The following NYAP2 variants were observed in gnomAD, a reference collection of about 807,000 sequenced individuals.
NYAP2 encodes neuronal tyrosine-phosphorylated phosphoinositide-3-kinase adapter 2.
Under a neutral mutation model 50.4 loss-of-function variants are expected in NYAP2, and 23 were observed. That is an observed-to-expected ratio of 0.46 (90% CI 0.33 to 0.65). The LOEUF (loss-of-function observed/expected upper bound fraction) is 0.65, where lower values mean the gene tolerates loss of function less well. NYAP2 is among the 30% of genes least tolerant of loss of function. The pLI is 0.02. For synonymous variants in NYAP2, 394 were observed against 365.2 expected (o/e 1.08, Z -0.90); for missense variants, 885 against 861.0 (o/e 1.03, Z -0.35).
intron 5 of NYAP2, among the ~76,000 whole-genome samples, chr2:225,597,706 C>A (rs138400553): frequency 2.1e-3 from 321 of 150,402 alleles, no homozygotes; most frequent in Non-Finnish European, 3.6e-3. Context: ...AAATAACAGC[C>A]GTTCTTTTAG....
At position 225,601,198 on chromosome 2, in the gene NYAP2, G is replaced by T. The variant is rs144883419; in HGVS notation, c.1618+18163G>T. On this transcript the variant is annotated intron_variant, in intron 5 of 6. Transcript: ENST00000636099. Reference sequence around the variant, plus strand: ...AGCAGTGACGCGATCTTGGCTCACTGCAACCTCTACCTCCTGGGTTCAAGT... The same window carrying T: ...AGCAGTGACGCGATCTTGGCTCACTTCAACCTCTACCTCCTGGGTTCAAGT... 5.5e-3 allele frequency among the ~76,000 whole-genome samples: 827 copies of T among 149,444 alleles called. 9 individuals carry two copies. Among genetic ancestry groups the T allele is most frequent in the African/African-American group, 0.019 (750 of 40,506 alleles).
chr2:225,506,922 T>G (rs1010352796), intron 3 of NYAP2, among the ~76,000 whole-genome samples: 3 of 151,996 alleles, frequency 2.0e-5, no homozygotes, highest in Non-Finnish European at 2.9e-5. Context: ...TTTTGAAAAT[T>G]TAACACAAAA....
chr2:225,461,266 C>G (rs10498078), intron 3 of NYAP2, among the ~76,000 whole-genome samples: 5,092 of 152,252 alleles, frequency 0.033, 265 homozygotes, highest in African/African-American at 0.11. Flanking sequence ...GGAAACATAT[C>G]AAGGCTTTTT....
chr2:225,419,986 G>A (rs1381540119), intron 3 of NYAP2, among the ~76,000 whole-genome samples: 1 of 152,178 alleles, frequency 6.6e-6, no homozygotes, highest in Non-Finnish European at 1.5e-5. Context: ...AAAATTACAT[G>A]AGGATAATTT....
chr2:225,627,433 A>C (rs964875100), intron 6 of NYAP2, among the ~76,000 whole-genome samples: 7 of 152,226 alleles, frequency 4.6e-5, no homozygotes, highest in Non-Finnish European at 7.3e-5. Flanking sequence ...GCCTCATCTA[A>C]AGCAGTTTTA....
chr2:225,570,158 C>G (rs1692040970), intron 4 of NYAP2, among the ~76,000 whole-genome samples: 1 of 152,158 alleles, frequency 6.6e-6, no homozygotes, highest in Non-Finnish European at 1.5e-5. Flanking sequence ...ACACTGTGAA[C>G]AGAGGGCTGT....
intron 4 of NYAP2, among the ~76,000 whole-genome samples, chr2:225,565,747 G>T (rs1691949959): frequency 1.3e-5 from 2 of 152,092 alleles, no homozygotes; most frequent in African/African-American, 4.8e-5. Context: ...ATGCATATAT[G>T]AATAAGCATC....
the NYAP2 span, among the ~76,000 whole-genome samples, chr2:225,679,493 G>T: frequency 3.2e-3 from 329 of 103,654 alleles, no homozygotes; most frequent in African/African-American, 4.9e-3. Context: ...GCTTCTAATT[G>T]TTTTTTTTTT....
the NYAP2 span, among the ~76,000 whole-genome samples, chr2:225,676,518 G>C: frequency 6.6e-6 from 1 of 152,032 alleles, no homozygotes; most frequent in Non-Finnish European, 1.5e-5. Flanking sequence ...CACATGGCTG[G>C]GGAGGCCTCA....
chr2:225,667,930 G>A, the NYAP2 span, among the ~76,000 whole-genome samples: 990 of 152,144 alleles, frequency 6.5e-3, 13 homozygotes, highest in African/African-American at 0.023. Flanking sequence ...TCCTAAGACC[G>A]AGTGTATTCT....
chr2:225,529,514 A>G (rs1363044978), intron 4 of NYAP2, among the ~76,000 whole-genome samples: 1 of 151,946 alleles, frequency 6.6e-6, no homozygotes, highest in Non-Finnish European at 1.5e-5. Context: ...TAGTAGAGAC[A>G]GGGTTTTGCC....
chr2:225,533,864 T>C (rs1691301672), intron 4 of NYAP2, among the ~76,000 whole-genome samples: 1 of 152,242 alleles, frequency 6.6e-6, no homozygotes, highest in African/African-American at 2.4e-5. Context: ...AACTTGGCTA[T>C]GGTTATTTAC....
chr2:225,703,375 G>A, the NYAP2 span: 1 of 151,562 alleles, frequency 6.6e-6, no homozygotes. Flanking sequence ...GAAAATTTGT[G>A]CAAATAAGCA....
At chr2:225,426,665 G>A (rs1414318372) in intron 3 of NYAP2, among the ~76,000 whole-genome samples, 1 of 152,120 alleles carries the variant, frequency 6.6e-6, no homozygotes, top group Non-Finnish European at 1.5e-5. Context: ...AGTATGAAAC[G>A]ATTCTTTTGG....
chr2:225,453,106 T>G (rs759407442), intron 3 of NYAP2, among the ~76,000 whole-genome samples: 3 of 152,228 alleles, frequency 2.0e-5, no homozygotes, highest in Non-Finnish European at 4.4e-5. Context: ...TCAGTATGTC[T>G]TCTGTCTTTA....
At chr2:225,439,580 T>C (rs149821233) in intron 3 of NYAP2, among the ~76,000 whole-genome samples, 261 of 152,276 alleles carry the variant, frequency 1.7e-3, no homozygotes, top group African/African-American at 5.9e-3. Flanking sequence ...ACAAGAATGT[T>C]TCATGAGTCC....
chr2:225,568,484 A>G (rs1692001986), intron 4 of NYAP2, among the ~76,000 whole-genome samples: 1 of 152,150 alleles, frequency 6.6e-6, no homozygotes. Context: ...AGGGGTGCTC[A>G]TGACTCTTTA....
chr2:225,670,149 C>T, the NYAP2 span, among the ~76,000 whole-genome samples: 2 of 152,142 alleles, frequency 1.3e-5, no homozygotes, highest in African/African-American at 4.8e-5. Flanking sequence ...TACAATCTTG[C>T]TATGGTTCTG....
At chr2:225,554,124 C>T (rs72976425) in intron 4 of NYAP2, among the ~76,000 whole-genome samples, 33,871 of 151,822 alleles carry the variant, frequency 0.22, 3,784 homozygotes, top group African/African-American at 0.25. Context: ...CTTTTACATA[C>T]CAGTATTTTC....
Sources: gnomAD v4.1 joint callset for allele counts (sites outside exome capture counted in the v4.1 genomes callset) on GRCh38, gnomAD v4.1.1 for gene constraint, MANE v1.5 for transcripts, NCBI Gene and HGNC (gene_info 2026-07-23, HGNC 2026-07-21) for gene names.